URB1: variants seen among roughly 807,000 people sequenced by gnomAD.
The protein encoded by URB1 is URB1 ribosome biogenesis factor, also known as nucleolar pre-ribosomal-associated protein 1.
Under a neutral mutation model 242.3 loss-of-function variants are expected in URB1, and 197 were observed. The observed-to-expected ratio is 0.81, with a 90% CI of 0.72 to 0.91. URB1 has a LOEUF of 0.91. Among genes scored for constraint, URB1 ranks in the 40% least tolerant of loss-of-function variants. The probability of loss-of-function intolerance (pLI) is 0.00; values close to 1 mark genes in which losing one functional copy is unlikely to be tolerated. For missense variants in URB1, 2,721 were observed against 2,860.5 expected, an observed-to-expected ratio of 0.95 and a Z score of 1.11; for synonymous variants, 1,153 against 1,201.8, an observed-to-expected ratio of 0.96 and a Z score of 0.84.
intron 22 of URB1, among the ~76,000 whole-genome samples, chr21:32,346,685 A>C (rs1259519260): frequency 6.6e-6 from 1 of 152,058 alleles, no homozygotes; most frequent in Non-Finnish European, 1.5e-5. Context: ...CCGCTACTGT[A>C]CCCAACTCCC....
intron 30 of URB1, among the ~76,000 whole-genome samples, chr21:32,329,372 G>A (rs2032867940): frequency 6.6e-6 from 1 of 152,274 alleles, no homozygotes. Context: ...ATCCCCCAGA[G>A]GCACCCCAAT....
intron 5 of URB1, among the ~76,000 whole-genome samples, chr21:32,378,162 C>T (rs898356932): frequency 1.3e-5 from 2 of 152,266 alleles, no homozygotes; most frequent in East Asian, 1.9e-4. Context: ...TTTGTTTGCC[C>T]GACTCTGCCT....
At chr21:32,363,449 G>T (rs1419421327) in intron 10 of URB1, 120 bp from the exon 11 acceptor site, 2 of 1,258,888 alleles carry the variant, frequency 1.6e-6, no homozygotes, top group East Asian at 2.5e-5. Context: ...GCATGAAACT[G>T]CTGGTCTCTA....
At chr21:32,363,441 A>G in intron 10 of URB1, 112 bp from the exon 11 acceptor site, 3 of 1,305,286 alleles carry the variant, frequency 2.3e-6, no homozygotes, top group East Asian at 2.5e-5. Context: ...GGAAAGCTGC[A>G]TGAAACTGCT....
At chr21:32,336,781 G>C (rs1386149759) in intron 28 of URB1, among the ~76,000 whole-genome samples, 1 of 152,232 alleles carries the variant, frequency 6.6e-6, no homozygotes, top group African/African-American at 2.4e-5. Context: ...AAAGGCATGA[G>C]CAGAAAAGTT....
chr21:32,321,386 G>A (rs1331795166), intron 34 of URB1, among the ~76,000 whole-genome samples: 2 of 152,134 alleles, frequency 1.3e-5, no homozygotes, highest in African/African-American at 2.4e-5. Context: ...CCCAACTTCT[G>A]TAGTAGGTGG....
chr21:32,318,066 G>A, intron 36 of URB1, 149 bp from the exon 37 acceptor site: 1 of 1,100,918 alleles, frequency 9.1e-7, no homozygotes, highest in East Asian at 2.6e-5. Flanking sequence ...CATCTAGCAT[G>A]GGCCCCCAGG....
chr21:32,363,438 T>C, intron 10 of URB1, 109 bp from the exon 11 acceptor site: 1 of 1,303,270 alleles, frequency 7.7e-7, no homozygotes, highest in Admixed American at 2.3e-5. Context: ...CAGGGAAAGC[T>C]GCATGAAACT....
At chr21:32,362,051 T>C (rs936375325) in intron 11 of URB1, 30 bp from the exon 12 acceptor site, 3 of 1,549,180 alleles carry the variant, frequency 1.9e-6, no homozygotes, top group African/African-American at 1.4e-5. Flanking sequence ...AGAACATTAG[T>C]TGTAGTCAAC....
intron 6 of URB1, among the ~76,000 whole-genome samples, chr21:32,375,160 A>G (rs2033445249): frequency 6.6e-6 from 1 of 152,222 alleles, no homozygotes; most frequent in African/African-American, 2.4e-5. Context: ...CTGCTGTAAT[A>G]AAACAGCAGC....
At chr21:32,367,973 T>C (rs879361344) in intron 9 of URB1, among the ~76,000 whole-genome samples, 7 of 152,218 alleles carry the variant, frequency 4.6e-5, no homozygotes, top group Non-Finnish European at 8.8e-5. Flanking sequence ...TGGTCTAAAA[T>C]ATCCCTTTTT....
Position 32,347,797 on chromosome 21 carries a change from C to A in URB1, c.3027G>T (p.Val1009=), listed in dbSNP as rs1232930014. 3 of 1,544,350 alleles carry A rather than the reference C, an allele frequency of 1.9e-6. No homozygotes were observed. In the African/African-American group the frequency reaches 4.1e-5, roughly 21 times the overall value. ...TGGGGTGCCTGAGGATGGCCACAAGCACCTCCTCCAGCGTCTGAAAGGCAG... is the reference window on the plus strand; with the variant it reads ...TGGGGTGCCTGAGGATGGCCACAAGAACCTCCTCCAGCGTCTGAAAGGCAG... ...ELANDQTLEE[V]LVAILRHPTL... The change falls in exon 22 of 39, where the codon GTG becomes GTT. Residue 1009 remains valine, a synonymous_variant. Transcript: ENST00000382751.
intron 1 of URB1, among the ~76,000 whole-genome samples, chr21:32,386,979 A>G (rs1480068267): frequency 6.6e-6 from 1 of 152,174 alleles, no homozygotes; most frequent in Non-Finnish European, 1.5e-5. Context: ...ACTGGCACAC[A>G]GAGTGTCCGT....
rs530781556 is a variant in URB1, at chr21:32,391,099, C to T, written c.142+1670G>A. On this transcript the variant is annotated intron_variant, in intron 1 of 38. Transcript: ENST00000382751. ...GGATGAAGCTGGAAACCATCATTCT[C>T]AGCAAACTATCGCAAGGACAAAAAA... Among the ~76,000 whole-genome samples, 526 of 152,090 alleles carry T rather than the reference C, an allele frequency of 3.5e-3. 1 individual carries two copies. Among genetic ancestry groups the T allele is most frequent in the African/African-American group, 0.012 (495 of 41,504 alleles).
At chr21:32,355,156 G>A (rs2033204949) in intron 16 of URB1, among the ~76,000 whole-genome samples, 159 bp from the exon 17 acceptor site, 1 of 151,896 alleles carries the variant, frequency 6.6e-6, no homozygotes, top group Non-Finnish European at 1.5e-5. Flanking sequence ...TTTTATTGTG[G>A]AGTTAAAAAA....
At chr21:32,351,639 G>A (rs115845933) in intron 19 of URB1, among the ~76,000 whole-genome samples, 3,798 of 152,176 alleles carry the variant, frequency 0.025, 153 homozygotes, top group African/African-American at 0.087. Flanking sequence ...GCTGGAACCC[G>A]GCAGTCCAGT....
At chr21:32,333,130 A>G in intron 30 of URB1, 187 bp downstream of exon 30, 2 of 594,472 alleles carry the variant, frequency 3.4e-6, no homozygotes, top group Non-Finnish European at 5.9e-6. Flanking sequence ...CTGTATGTTC[A>G]AAATACTAAC....
chr21:32,375,586 A>T, intron 5 of URB1, 103 bp from the exon 6 acceptor site: 3 of 639,454 alleles, frequency 4.7e-6, no homozygotes, highest in Non-Finnish European at 4.9e-6. Flanking sequence ...AATGCCATTT[A>T]CTTTTTCAAG....
At chr21:32,322,813 G>A (rs1601121132) in intron 32 of URB1, among the ~76,000 whole-genome samples, 1 of 152,114 alleles carries the variant, frequency 6.6e-6, no homozygotes, top group African/African-American at 2.4e-5. Flanking sequence ...GCTGGATGTT[G>A]AGTCCTTCAG....
Sources: allele counts gnomAD v4.1 joint callset (sites outside exome capture counted in the v4.1 genomes callset), GRCh38; gene constraint gnomAD v4.1.1; transcripts MANE v1.5; gene names NCBI Gene and HGNC (gene_info 2026-07-23, HGNC 2026-07-21).